The following DPP10 variants were observed in gnomAD, a reference collection of about 807,000 sequenced individuals.
DPP10 encodes inactive dipeptidyl peptidase 10.
In DPP10, 33 loss-of-function variants were observed where a neutral mutation model predicts 120.9. The observed-to-expected ratio is 0.27, with a 90% CI of 0.21 to 0.37. The LOEUF (loss-of-function observed/expected upper bound fraction) is 0.37. Among genes scored for constraint, DPP10 ranks in the 10% least tolerant of loss-of-function variants. DPP10 has a pLI of 1.00. For missense variants in DPP10, 816 were observed against 942.8 expected, an observed-to-expected ratio of 0.87 and a Z score of 1.76; for synonymous variants, 337 against 326.1, an observed-to-expected ratio of 1.03 and a Z score of -0.36.
At chr2:114,834,060 C>T (rs578145806) in intron 1 of DPP10, 44 of 151,808 alleles carry the variant, frequency 2.9e-4, no homozygotes, top group Middle Eastern at 3.4e-3. Context: ...TAAGCCATAT[C>T]TACACACCTA....
intron 19 of DPP10, among the ~76,000 whole-genome samples, 167 bp downstream of exon 19, chr2:115,791,523 T>C (rs536815293): frequency 6.6e-6 from 1 of 152,332 alleles, no homozygotes; most frequent in East Asian, 1.9e-4. Flanking sequence ...CTAAATCATG[T>C]ATAAAGATGT....
At chr2:114,557,220 G>T (rs1688398660) in intron 1 of DPP10, among the ~76,000 whole-genome samples, 1 of 152,140 alleles carries the variant, frequency 6.6e-6, no homozygotes, top group Non-Finnish European at 1.5e-5. Context: ...GAGTGGGGAA[G>T]ACTCTTCATG....
At position 115,384,635 on chromosome 2, in the gene DPP10, G is replaced by A. The variant is rs558579194; in HGVS notation, c.271+40723G>A. On this transcript the variant is annotated intron_variant, in intron 3 of 25. Coordinates refer to ENST00000410059, the MANE Select transcript of DPP10 (RefSeq NM_020868.6). The stretch of plus-strand genomic sequence containing the variant: ...AGTGAAGGAAGAAGAAGAGGAAGAA[G>A]AAAGAAGGAAGAAGAAGAAGGAAGA... Among the ~76,000 whole-genome samples the A allele has an allele frequency of 2.1e-5, 3 of 142,598 alleles. No homozygotes were observed. In the East Asian group the frequency reaches 6.2e-4, roughly 29 times the overall value. 93.5% of individuals were successfully genotyped at this position (142,598 alleles called of 152,430 possible). A position where few individuals can be genotyped will look rare whatever the true frequency, so the allele number is the denominator to read the frequency against.
intron 1 of DPP10, among the ~76,000 whole-genome samples, chr2:114,685,130 C>T (rs959151331): frequency 2.0e-5 from 3 of 151,840 alleles, no homozygotes; most frequent in African/African-American, 7.3e-5. Flanking sequence ...TCTGGTTGCC[C>T]TTTCTGAGAA....
chr2:115,194,065 C>G (rs1457679677), intron 1 of DPP10, among the ~76,000 whole-genome samples: 1 of 152,160 alleles, frequency 6.6e-6, no homozygotes, highest in Admixed American at 6.5e-5. Context: ...CAGTAAGCTA[C>G]TTTTTGGCTT....
chr2:115,586,690 G>GT (rs201424878), intron 5 of DPP10, among the ~76,000 whole-genome samples: 1,746 of 151,210 alleles, frequency 0.012, 32 homozygotes, highest in African/African-American at 0.04. Flanking sequence ...TTTTGTTTTT[G>GT]TTTTTTTTCC....
intron 7 of DPP10, among the ~76,000 whole-genome samples, chr2:115,724,127 C>T (rs1260381644): frequency 1.3e-5 from 2 of 152,078 alleles, no homozygotes; most frequent in East Asian, 1.9e-4. Context: ...CTGCCATTGT[C>T]GCAGGTTGAA....
intron 1 of DPP10, among the ~76,000 whole-genome samples, chr2:114,521,083 A>G (rs953279112): frequency 2.0e-5 from 3 of 152,224 alleles, no homozygotes; most frequent in Non-Finnish European, 4.4e-5. Context: ...GGGAAACAAA[A>G]TGGCAAATCT....
intron 13 of DPP10, among the ~76,000 whole-genome samples, chr2:115,776,010 A>T (rs1453714774): frequency 6.6e-6 from 1 of 152,192 alleles, no homozygotes; most frequent in Non-Finnish European, 1.5e-5. Flanking sequence ...TGATGAAGGC[A>T]CTTGCCAAAA....
At chr2:114,689,428 C>T (rs570072069) in intron 1 of DPP10, among the ~76,000 whole-genome samples, 118 of 152,108 alleles carry the variant, frequency 7.8e-4, no homozygotes, top group African/African-American at 2.6e-3. Flanking sequence ...ATTTTTGTGG[C>T]TGTACAGCAT....
chr2:114,810,651 A>G (rs1483202908), intron 1 of DPP10, among the ~76,000 whole-genome samples: 1 of 152,138 alleles, frequency 6.6e-6, no homozygotes, highest in Non-Finnish European at 1.5e-5. Flanking sequence ...CAGTGACTTG[A>G]TGTGTGTGCA....
chr2:115,192,384 C>G (rs1191760299), intron 1 of DPP10, among the ~76,000 whole-genome samples: 1 of 152,196 alleles, frequency 6.6e-6, no homozygotes, highest in Admixed American at 6.5e-5. Context: ...TAATCTTTTA[C>G]TAAGCAATTG....
At chr2:115,838,031 G>A (rs1351107505) in intron 24 of DPP10, among the ~76,000 whole-genome samples, 1 of 152,118 alleles carries the variant, frequency 6.6e-6, no homozygotes, top group Non-Finnish European at 1.5e-5. Flanking sequence ...GGTAGTATAT[G>A]AGTCTTAGTT....
intron 17 of DPP10, among the ~76,000 whole-genome samples, chr2:115,784,171 A>G (rs1237290091): frequency 6.6e-6 from 1 of 152,222 alleles, no homozygotes; most frequent in Non-Finnish European, 1.5e-5. Flanking sequence ...GGCTGTGAAT[A>G]GTGGTCAAGT....
chr2:114,838,400 A>G (rs988488391), intron 1 of DPP10, among the ~76,000 whole-genome samples: 1 of 151,848 alleles, frequency 6.6e-6, no homozygotes, highest in Non-Finnish European at 1.5e-5. Context: ...TGCAACTGCC[A>G]CCTCCCGGAT....
At chr2:115,370,851 C>T (rs527590688) in intron 3 of DPP10, among the ~76,000 whole-genome samples, 83 of 152,058 alleles carry the variant, frequency 5.5e-4, no homozygotes, top group Non-Finnish European at 9.0e-4. Flanking sequence ...TCTCGTTAAG[C>T]GCCAGGTGAT....
At chr2:114,596,025 T>C (rs1433808680) in intron 1 of DPP10, among the ~76,000 whole-genome samples, 3 of 152,110 alleles carry the variant, frequency 2.0e-5, no homozygotes, top group Admixed American at 6.6e-5. Context: ...GATGCCTTTT[T>C]AGGAAGCTAA....
intron 7 of DPP10, among the ~76,000 whole-genome samples, chr2:115,699,604 G>A (rs974625769): frequency 6.6e-6 from 1 of 152,160 alleles, no homozygotes; most frequent in African/African-American, 2.4e-5. Context: ...GTGAGACTTT[G>A]TCTCAAAAAG....
intron 1 of DPP10, among the ~76,000 whole-genome samples, chr2:115,265,273 A>ATG (rs957419529): frequency 2.1e-5 from 3 of 143,818 alleles, no homozygotes; most frequent in Non-Finnish European, 3.0e-5. Context: ...GATTCCATAT[A>ATG]TATATATATA....
Sources: gnomAD v4.1 joint callset for allele counts (sites outside exome capture counted in the v4.1 genomes callset) on GRCh38, gnomAD v4.1.1 for gene constraint, MANE v1.5 for transcripts, NCBI Gene and HGNC (gene_info 2026-07-23, HGNC 2026-07-21) for gene names.